The following L3MBTL4 variants were observed in gnomAD, a reference collection of about 807,000 sequenced individuals.
The protein encoded by L3MBTL4 is L3MBTL histone methyl-lysine binding protein 4.
Under a neutral mutation model 84.5 loss-of-function variants are expected in L3MBTL4, and 70 were observed. The ratio of observed to expected loss-of-function variants is 0.83; its 90% CI spans 0.68 to 1.01. The LOEUF is 1.01. L3MBTL4 is among the 50% of genes least tolerant of loss of function. The pLI is 0.00. For missense variants in L3MBTL4, 715 were observed against 754.8 expected (o/e 0.95, Z 0.62); for synonymous variants, 274 against 259.8 (o/e 1.05, Z -0.52).
intron 16 of L3MBTL4, among the ~76,000 whole-genome samples, chr18:5,974,530 A>G (rs985956462): frequency 6.6e-6 from 1 of 152,190 alleles, no homozygotes; most frequent in African/African-American, 2.4e-5. Flanking sequence ...GGGGAAGGCC[A>G]ATTTTTCCAG....
intron 18 of L3MBTL4, among the ~76,000 whole-genome samples, chr18:5,958,827 T>C (rs1341037917): frequency 6.6e-6 from 1 of 152,202 alleles, no homozygotes. Context: ...TTCAGCAATC[T>C]GCCTAAAGTG....
At chr18:6,117,189 G>A (rs1344250260) in intron 14 of L3MBTL4, among the ~76,000 whole-genome samples, 1 of 152,166 alleles carries the variant, frequency 6.6e-6, no homozygotes, top group African/African-American at 2.4e-5. Context: ...TCAATAAGCG[G>A]GACTAATTTA....
intron 5 of L3MBTL4, among the ~76,000 whole-genome samples, chr18:6,251,740 T>G (rs7229835): frequency 0.088 from 13,327 of 152,254 alleles, 1,888 homozygotes; most frequent in African/African-American, 0.3. Context: ...ATTGGTGGTC[T>G]AATATGTACC....
At chr18:6,367,369 T>C (rs2053980393) in intron 1 of L3MBTL4, 1 of 152,248 alleles carries the variant, frequency 6.6e-6, no homozygotes, top group South Asian at 2.1e-4. Context: ...ACTTAGCCAG[T>C]GTGTCCTTCC....
intron 10 of L3MBTL4, among the ~76,000 whole-genome samples, chr18:6,231,465 G>A (rs982654999): frequency 6.6e-6 from 1 of 152,140 alleles, no homozygotes; most frequent in African/African-American, 2.4e-5. Context: ...GTACCATGCT[G>A]TTTTGGTTAC....
chr18:6,327,501 G>C, intron 1 of L3MBTL4, among the ~76,000 whole-genome samples: 1 of 152,038 alleles, frequency 6.6e-6, no homozygotes, highest in African/African-American at 2.4e-5. Flanking sequence ...AAGAGAAAAG[G>C]GTGCAGGATG....
intron 13 of L3MBTL4, among the ~76,000 whole-genome samples, chr18:6,151,669 A>G (rs2042902986): frequency 1.3e-5 from 2 of 152,210 alleles, no homozygotes; most frequent in African/African-American, 4.8e-5. Flanking sequence ...TGCTGGGATT[A>G]CAGATGTGAG....
intron 16 of L3MBTL4, among the ~76,000 whole-genome samples, chr18:5,981,974 CTGTGTGTGTG>C (rs374606293): frequency 2.0e-4 from 27 of 137,428 alleles, no homozygotes; most frequent in African/African-American, 5.8e-4. Flanking sequence ...TTTCAATATT[CTGTGTGTGTG>C]TGTGTGTGTG....
chr18:6,011,977 A>G (rs900550153), intron 16 of L3MBTL4, among the ~76,000 whole-genome samples: 11 of 152,368 alleles, frequency 7.2e-5, no homozygotes, highest in Admixed American at 3.3e-4. Context: ...TTGCTTCTGG[A>G]CAGAAACCTT....
intron 10 of L3MBTL4, among the ~76,000 whole-genome samples, chr18:6,236,471 G>A (rs1029187138): frequency 2.7e-4 from 41 of 152,172 alleles, no homozygotes; most frequent in African/African-American, 9.2e-4. Flanking sequence ...ACAACGCCAA[G>A]AGACTTACAC....
chr18:6,013,848 C>T (rs1479322852), intron 16 of L3MBTL4, among the ~76,000 whole-genome samples: 1 of 152,192 alleles, frequency 6.6e-6, no homozygotes, highest in African/African-American at 2.4e-5. Flanking sequence ...AGGGATTGAT[C>T]TGATATTTGT....
chr18:6,011,795 T>C (rs1000258564), intron 16 of L3MBTL4, among the ~76,000 whole-genome samples: 15 of 152,220 alleles, frequency 9.9e-5, no homozygotes, highest in African/African-American at 3.4e-4. Context: ...CAGAGGCCTG[T>C]TTCCCCTATG....
chr18:6,034,590 T>C (rs2056018083), intron 16 of L3MBTL4, among the ~76,000 whole-genome samples: 1 of 152,308 alleles, frequency 6.6e-6, no homozygotes. Flanking sequence ...CTATTGTAAA[T>C]AGTGCCACAA....
intron 5 of L3MBTL4, among the ~76,000 whole-genome samples, chr18:6,246,356 C>T (rs2047666054): frequency 6.6e-6 from 1 of 152,082 alleles, no homozygotes; most frequent in South Asian, 2.1e-4. Flanking sequence ...GCTATTTTTA[C>T]TGTAATATTT....
Position 5,969,395 on chromosome 18 carries a change from C to T in L3MBTL4, c.1612G>A (p.Glu538Lys). The T allele has an allele frequency of 3.1e-6, 5 of 1,613,932 alleles. No homozygotes were observed. The highest frequency in any genetic ancestry group is 3.4e-6 in the Non-Finnish European group (4 of 1,180,016). ...GGCCCCCCAGCAGCTCCACTCACCT[C>T]ATCCACAGTCCAACGTGCCACTTGG... ...ASQVARWTVD[E>K]VAEFVQSLLG... Residue 538 changes from glutamate (E) to lysine (K), a missense_variant and splice_region_variant, in exon 17 of 19, where the codon GAG becomes AAG. Transcript: ENST00000317931.
At chr18:6,253,209 C>CA (rs2048001857) in intron 5 of L3MBTL4, among the ~76,000 whole-genome samples, 1 of 152,088 alleles carries the variant, frequency 6.6e-6, no homozygotes, top group Non-Finnish European at 1.5e-5. Flanking sequence ...TCAAAACAAA[C>CA]AAACAAACAA....
At chr18:6,147,487 T>G (rs1038131229) in intron 13 of L3MBTL4, among the ~76,000 whole-genome samples, 1 of 151,620 alleles carries the variant, frequency 6.6e-6, no homozygotes, top group South Asian at 2.1e-4. Flanking sequence ...GAAATGAAAA[T>G]GCAAAAAAAA....
At chr18:5,987,920 A>G (rs1016821288) in intron 16 of L3MBTL4, among the ~76,000 whole-genome samples, 3 of 152,198 alleles carry the variant, frequency 2.0e-5, no homozygotes, top group African/African-American at 7.2e-5. Flanking sequence ...AAAATTTTGC[A>G]TTAGTTGTAT....
intron 1 of L3MBTL4, among the ~76,000 whole-genome samples, chr18:6,352,007 AG>A (rs78784210): frequency 0.062 from 9,391 of 152,216 alleles, 376 homozygotes; most frequent in East Asian, 0.1. Flanking sequence ...CTTTATAAAA[AG>A]TTTATTGTGC....
Sources: allele counts gnomAD v4.1 joint callset (sites outside exome capture counted in the v4.1 genomes callset), GRCh38; gene constraint gnomAD v4.1.1; transcripts MANE v1.5; gene names NCBI Gene and HGNC (gene_info 2026-07-23, HGNC 2026-07-21).